Variants in CAAP1 observed in about 807,000 individuals in gnomAD.
CAAP1 encodes conserved anti-apoptotic protein.
CAAP1 carries 20 observed loss-of-function variants against 34.0 expected under a neutral mutation model. The observed-to-expected ratio is 0.59, with a 90% CI of 0.41 to 0.86. CAAP1 has a LOEUF of 0.86. Among genes scored for constraint, CAAP1 ranks in the 40% least tolerant of loss-of-function variants. CAAP1 has a pLI of 0.00. For missense variants in CAAP1, 538 were observed against 450.5 expected (o/e 1.19, Z -1.76); for synonymous variants, 213 against 166.7 (o/e 1.28, Z -2.14).
chr9:26,892,222 TCAAGATTCAAGA>T (rs1298494270), intron 1 of CAAP1, 179 bp downstream of exon 1: 99 of 1,426,078 alleles, frequency 6.9e-5, no homozygotes, highest in Non-Finnish European at 8.8e-5. Flanking sequence ...AACTTGAAGT[TCAAGATTCAAGA>T]CACGGATGGG....
At chr9:26,855,654 G>A (rs748628785) in intron 5 of CAAP1, among the ~76,000 whole-genome samples, 20 of 152,306 alleles carry the variant, frequency 1.3e-4, no homozygotes, top group Non-Finnish European at 2.2e-4. Flanking sequence ...ACTATACGAT[G>A]TAGCAGCCAA....
chr9:26,857,558 A>G (rs1347790189), intron 5 of CAAP1, among the ~76,000 whole-genome samples: 2 of 152,128 alleles, frequency 1.3e-5, no homozygotes, highest in African/African-American at 2.4e-5. Context: ...CTTTAACCCA[A>G]GAGATGGAGG....
intron 4 of CAAP1, among the ~76,000 whole-genome samples, chr9:26,877,772 A>G (rs935480497): frequency 9.2e-5 from 14 of 152,078 alleles, no homozygotes; most frequent in African/African-American, 3.1e-4. Context: ...GAGCACTTTC[A>G]ATTTGAAGAC....
chr9:26,892,260 AGGACTTAGGTAG>A (rs1228630887), intron 1 of CAAP1, 141 bp downstream of exon 1: 1 of 1,518,458 alleles, frequency 6.6e-7, no homozygotes, highest in African/African-American at 1.4e-5. Flanking sequence ...GGGGCTCACC[AGGACTTAGGTAG>A]GAACATGAAC....
intron 4 of CAAP1, among the ~76,000 whole-genome samples, chr9:26,866,751 A>G (rs1423143282): frequency 6.6e-6 from 1 of 152,140 alleles, no homozygotes; most frequent in Non-Finnish European, 1.5e-5. Flanking sequence ...TTTCCTATGA[A>G]TTTTGTAATA....
intron 3 of CAAP1, among the ~76,000 whole-genome samples, chr9:26,885,296 C>T (rs572231125): frequency 3.3e-5 from 5 of 151,712 alleles, no homozygotes; most frequent in Non-Finnish European, 7.4e-5. Context: ...AAGCTGGTCT[C>T]GAACTCCTGA....
intron 5 of CAAP1, among the ~76,000 whole-genome samples, chr9:26,860,667 C>A (rs1822983353): frequency 6.6e-6 from 1 of 152,070 alleles, no homozygotes; most frequent in African/African-American, 2.4e-5. Context: ...AGGTTGGCAC[C>A]TATAGTCTCA....
At position 26,892,350 on chromosome 9, in the gene CAAP1, G is replaced by A. The variant is rs1232295311; in HGVS notation, c.303+63C>T. 3.8e-6 allele frequency: 6 copies of A among 1,582,566 alleles called. No individual in the cohort carries two copies. In the Admixed American group the frequency reaches 7.0e-5, roughly 18 times the overall value. ...CTCCAGCCTGCGCCCCATCCCTCTG[G>A]AAGCCCGACTTCTTCCGAAAAAGCA... On this transcript the variant is annotated intron_variant, in intron 1 of 5. Coordinates refer to ENST00000333916, the MANE Select transcript of CAAP1 (RefSeq NM_024828.4).
intron 5 of CAAP1, among the ~76,000 whole-genome samples, chr9:26,850,852 T>C (rs1587091120): frequency 1.3e-5 from 2 of 152,190 alleles, no homozygotes; most frequent in East Asian, 3.8e-4. Context: ...TTTATAAAAT[T>C]TAATTGTGGC....
At chr9:26,876,474 T>G (rs1232591045) in intron 4 of CAAP1, among the ~76,000 whole-genome samples, 11 of 135,882 alleles carry the variant, frequency 8.1e-5, no homozygotes, top group African/African-American at 2.8e-4. Context: ...TCTAGAAGGT[T>G]TTTTTTTTTT....
chr9:26,858,125 T>C (rs1259870817), intron 5 of CAAP1, among the ~76,000 whole-genome samples: 1 of 152,222 alleles, frequency 6.6e-6, no homozygotes, highest in Non-Finnish European at 1.5e-5. Context: ...ATTGTCTCAA[T>C]TGGTCAAGCC....
chr9:26,852,428 C>T (rs549150320), intron 5 of CAAP1, among the ~76,000 whole-genome samples: 1 of 151,852 alleles, frequency 6.6e-6, no homozygotes, highest in South Asian at 2.1e-4. Flanking sequence ...GCACTCCAGC[C>T]TGGGTGACAG....
At chr9:26,888,496 C>A (rs939297394) in intron 1 of CAAP1, among the ~76,000 whole-genome samples, 3 of 152,176 alleles carry the variant, frequency 2.0e-5, no homozygotes, top group African/African-American at 7.2e-5. Flanking sequence ...AAAATCTTCC[C>A]TGACCACAGA....
At chr9:26,865,062 G>A (rs979240479) in intron 4 of CAAP1, among the ~76,000 whole-genome samples, 2 of 152,066 alleles carry the variant, frequency 1.3e-5, no homozygotes, top group Non-Finnish European at 2.9e-5. Flanking sequence ...GTGTCTAAGA[G>A]AATTGAATTT....
At chr9:26,877,894 AATT>A (rs145671998) in intron 4 of CAAP1, among the ~76,000 whole-genome samples, 10,264 of 151,504 alleles carry the variant, frequency 0.068, 372 homozygotes, top group Middle Eastern at 0.15. Context: ...TATATTATTA[AATT>A]ATTATTTAAT....
At chr9:26,861,236 C>A in intron 4 of CAAP1, 97 bp from the exon 5 acceptor site, 1 of 803,808 alleles carries the variant, frequency 1.2e-6, no homozygotes, top group Non-Finnish European at 2.1e-6. Flanking sequence ...CTAGGGAAGA[C>A]AGGCTACATT....
intron 1 of CAAP1, 179 bp downstream of exon 1, chr9:26,892,234 A>G: frequency 2.8e-6 from 4 of 1,452,346 alleles, no homozygotes; most frequent in Non-Finnish European, 2.7e-6. Flanking sequence ...AAGATTCAAG[A>G]CACGGATGGG....
intron 5 of CAAP1, among the ~76,000 whole-genome samples, chr9:26,849,149 T>C (rs1351084940): frequency 6.6e-6 from 1 of 152,144 alleles, no homozygotes; most frequent in Non-Finnish European, 1.5e-5. Flanking sequence ...ACAACAAAGG[T>C]ACATTGGTGA....
intron 4 of CAAP1, among the ~76,000 whole-genome samples, chr9:26,881,249 C>T (rs2131335491): frequency 6.6e-6 from 1 of 152,324 alleles, no homozygotes; most frequent in Middle Eastern, 3.4e-3. Flanking sequence ...GCTGGTATTA[C>T]AGGTGTGAAC....
Sources: gnomAD v4.1 joint callset for allele counts (sites outside exome capture counted in the v4.1 genomes callset) on GRCh38, gnomAD v4.1.1 for gene constraint, MANE v1.5 for transcripts, NCBI Gene and HGNC (gene_info 2026-07-23, HGNC 2026-07-21) for gene names.